Variants in MB21D2 observed in about 807,000 individuals in gnomAD.
The protein encoded by MB21D2 is nucleotidyltransferase MB21D2.
Under a neutral mutation model 33.3 loss-of-function variants are expected in MB21D2, and 9 were observed. The observed-to-expected ratio is 0.27, with a 90% CI of 0.16 to 0.47. MB21D2 has a LOEUF of 0.47. MB21D2 is among the 20% of genes least tolerant of loss of function. The pLI, the probability that MB21D2 is intolerant of heterozygous loss-of-function variation, is 0.99. For missense variants in MB21D2, 540 were observed against 624.6 expected, an observed-to-expected ratio of 0.86 and a Z score of 1.44; for synonymous variants, 241 against 236.3, an observed-to-expected ratio of 1.02 and a Z score of -0.18.
At chr3:192,896,253 TCACACAAGCTGTCCCACACAAGCTGTCC>T (rs540178858) in intron 1 of MB21D2, among the ~76,000 whole-genome samples, 1 of 152,128 alleles carries the variant, frequency 6.6e-6, no homozygotes, top group South Asian at 2.1e-4. Flanking sequence ...TTGCCCAAGG[TCACACAAGCTGTCCCACACAAGCTGTCC>T]CACACAAGCT....
intron 1 of MB21D2, among the ~76,000 whole-genome samples, chr3:192,826,268 T>C (rs967842287): frequency 1.3e-5 from 2 of 152,228 alleles, no homozygotes; most frequent in Non-Finnish European, 2.9e-5. Flanking sequence ...ACAACATCCA[T>C]AACACAAAAT....
At chr3:192,888,019 C>G (rs986460726) in intron 1 of MB21D2, among the ~76,000 whole-genome samples, 2 of 151,998 alleles carry the variant, frequency 1.3e-5, no homozygotes, top group African/African-American at 4.8e-5. Context: ...GAGAATCTAG[C>G]AAGGCTTTAT....
intron 1 of MB21D2, among the ~76,000 whole-genome samples, chr3:192,862,958 T>C (rs1577187534): frequency 1.3e-5 from 2 of 152,192 alleles, no homozygotes; most frequent in South Asian, 4.1e-4. Context: ...AAGTGGCTCC[T>C]TGAGGCCTCT....
intron 1 of MB21D2, among the ~76,000 whole-genome samples, chr3:192,865,679 AG>A (rs944213128): frequency 1.3e-5 from 2 of 152,150 alleles, no homozygotes; most frequent in African/African-American, 4.8e-5. Context: ...TTGGTCTACC[AG>A]GCCCCCTCCC....
At chr3:192,873,868 ATTG>A (rs1713372977) in intron 1 of MB21D2, among the ~76,000 whole-genome samples, 1 of 151,986 alleles carries the variant, frequency 6.6e-6, no homozygotes, top group African/African-American at 2.4e-5. Context: ...ACGCCTGGTA[ATTG>A]TTGTAGTTTT....
Position 192,799,693 on chromosome 3 carries a change from C to G in MB21D2, c.212-43G>C. 1.3e-6 allele frequency: 2 copies of G among 1,567,656 alleles called. No homozygotes were observed. Among genetic ancestry groups the G allele is most frequent in the Non-Finnish European group, 1.7e-6 (2 of 1,159,246 alleles). ...AAAAACAACACTATTACAGGAAACA[C>G]AGACATAAGAGTCTTATGCATGAAA... On this transcript the variant is annotated intron_variant, in intron 1 of 1. Transcript: ENST00000392452. The surrounding 1 kb of genome is among the most constrained non-coding windows in gnomAD (Gnocchi z 4.1).
intron 1 of MB21D2, among the ~76,000 whole-genome samples, chr3:192,823,343 A>G (rs1712099841): frequency 6.6e-6 from 1 of 152,136 alleles, no homozygotes; most frequent in African/African-American, 2.4e-5. Context: ...AACTGCGTCT[A>G]CTCGCTGCTT....
At chr3:192,822,831 G>C (rs1174221897) in intron 1 of MB21D2, among the ~76,000 whole-genome samples, 2 of 152,152 alleles carry the variant, frequency 1.3e-5, no homozygotes, top group Non-Finnish European at 2.9e-5. Flanking sequence ...GTCAGTGTTA[G>C]AACTAAGATA....
At chr3:192,878,989 G>C (rs191661766) in intron 1 of MB21D2, among the ~76,000 whole-genome samples, 2 of 152,156 alleles carry the variant, frequency 1.3e-5, no homozygotes, top group African/African-American at 4.8e-5. Flanking sequence ...GAAGAAAAAA[G>C]AATCACCATG....
chr3:192,854,002 G>T (rs1048090845), intron 1 of MB21D2, among the ~76,000 whole-genome samples: 2 of 152,202 alleles, frequency 1.3e-5, no homozygotes, highest in African/African-American at 4.8e-5. Context: ...CTCCCCATGG[G>T]CTTCCCTATT....
intron 1 of MB21D2, among the ~76,000 whole-genome samples, chr3:192,858,262 A>G (rs939716003): frequency 5.9e-5 from 9 of 152,198 alleles, no homozygotes; most frequent in Non-Finnish European, 1.2e-4. Flanking sequence ...GAGAAAAGAG[A>G]GAACAGACTT....
At chr3:192,813,771 A>AT (rs34481146) in intron 1 of MB21D2, among the ~76,000 whole-genome samples, 3 of 152,004 alleles carry the variant, frequency 2.0e-5, no homozygotes, top group African/African-American at 7.3e-5. Flanking sequence ...TAGAGGGATC[A>AT]TTTTTTTTCC....
intron 1 of MB21D2, among the ~76,000 whole-genome samples, chr3:192,900,382 G>T (rs11716400): frequency 2.0e-5 from 3 of 151,550 alleles, no homozygotes; most frequent in Non-Finnish European, 4.4e-5. Context: ...TTTACACAGG[G>T]ATGGAGAAAA....
chr3:192,798,513 G>A lies in MB21D2; in HGVS notation c.1349C>T (p.Pro450Leu). The A allele has an allele frequency of 6.2e-7, 1 of 1,614,192 alleles. No individual in the cohort carries two copies. Among genetic ancestry groups the A allele is most frequent in the Non-Finnish European group, 8.5e-7 (1 of 1,180,038 alleles). The change falls in exon 2 of 2, where the codon CCT (proline) becomes CTT (leucine). Residue 450 changes from proline to leucine, a missense_variant. Coordinates refer to ENST00000392452, the MANE Select transcript of MB21D2 (RefSeq NM_178496.4). This position sits in a 1 kb window ranked among gnomAD's most constrained non-coding sequence, Gnocchi z 4.8. The stretch of plus-strand genomic sequence containing the variant: ...CAGTTTTTTTGCCAAACGGTCATCA[G>A]GCTGGTTGGGGTCCCCTCCGTCAGA... ...PQSDGGDPNQ[P>L]DDRLAKKLQQ...
chr3:192,807,614 G>A (rs542472289), intron 1 of MB21D2, among the ~76,000 whole-genome samples: 58 of 152,254 alleles, frequency 3.8e-4, no homozygotes, highest in Non-Finnish European at 7.1e-4. Context: ...AATTGGGGAG[G>A]AGAAGGGGGG....
In MB21D2 at chr3:192,798,980, G is replaced by A. The variant is rs749553669; in HGVS notation, c.882C>T (p.Ser294=). The change falls in exon 2 of 2, where the codon AGC becomes AGT. Residue 294 remains serine (S), a synonymous_variant. Coordinates refer to ENST00000392452, the MANE Select transcript of MB21D2 (RefSeq NM_178496.4). This position sits in a 1 kb window ranked among gnomAD's most constrained non-coding sequence, Gnocchi z 4.8. ...AGATGCACTTCTTCAACTGCACCTC[G>A]CTCCTGGCAAAGGACAGCCGCCATT... ...DNEWRLSFAR[S]EVQLKKCISS... is the part of the protein sequence containing the mutation. 4.3e-6 allele frequency: 7 copies of A among 1,613,972 alleles called. No homozygotes were observed. Among genetic ancestry groups the A allele is most frequent in the Middle Eastern group, 1.7e-4 (1 of 6,060 alleles).
chr3:192,894,198 G>A (rs1713916293), intron 1 of MB21D2, among the ~76,000 whole-genome samples: 1 of 151,874 alleles, frequency 6.6e-6, no homozygotes, highest in Admixed American at 6.6e-5. Flanking sequence ...GCGCAATCTG[G>A]ACTCAAAACG....
rs1720582241 is a variant in MB21D2 at position 192,798,836 on chromosome 3, TCTGTCGCAGGCCCAGAG to T, written c.1009_1025del (p.Leu337ThrfsTer22). ...CTTGAGCCAAGTAGTTGGCAGGAAGTCTGTCGCAGGCCCAGAGCATCATGCTCCGCAGGTGATAGGGG... is the reference window on the plus strand; with the variant it reads ...CTTGAGCCAAGTAGTTGGCAGGAAGTCATCATGCTCCGCAGGTGATAGGGG... On this transcript the variant is annotated frameshift_variant, in exon 2 of 2. Transcript: ENST00000392452. LOFTEE classifies it high-confidence loss of function. The surrounding 1 kb of genome is among the most constrained non-coding windows in gnomAD (Gnocchi z 4.8). 6.2e-7 allele frequency: 1 copy of T among 1,612,040 alleles called. No individual in the cohort carries two copies. Among genetic ancestry groups the T allele is most frequent in the African/African-American group, 1.3e-5 (1 of 74,898 alleles).
chr3:192,839,836 A>T (rs1712529206), intron 1 of MB21D2, among the ~76,000 whole-genome samples: 1 of 152,222 alleles, frequency 6.6e-6, no homozygotes, highest in African/African-American at 2.4e-5. Flanking sequence ...TATTTGAGAA[A>T]GTTCATTCTC....
Sources: allele counts gnomAD v4.1 joint callset (sites outside exome capture counted in the v4.1 genomes callset), GRCh38; gene constraint gnomAD v4.1.1; non-coding constraint Gnocchi (gnomAD v3.1); transcripts MANE v1.5; gene names NCBI Gene and HGNC (gene_info 2026-07-23, HGNC 2026-07-21).